The following GMDS variants were observed in gnomAD, a reference collection of about 807,000 sequenced individuals.
The protein encoded by GMDS is GDP-mannose 4,6 dehydratase.
A neutral mutation model predicts 49.9 loss-of-function variants in GMDS; 20 were observed. The ratio of observed to expected loss-of-function variants is 0.40; its 90% CI spans 0.28 to 0.58. The LOEUF (loss-of-function observed/expected upper bound fraction) is 0.58, where lower values mean the gene tolerates loss of function less well. GMDS is among the 20% of genes least tolerant of loss of function. The pLI, the probability that GMDS is intolerant of heterozygous loss-of-function variation, is 0.42. For missense variants in GMDS, 362 were observed against 481.4 expected (o/e 0.75, Z 2.32); for synonymous variants, 177 against 178.6 (o/e 0.99, Z 0.07).
chr6:2,111,204 C>T (rs1774527661), intron 4 of GMDS, among the ~76,000 whole-genome samples: 1 of 152,204 alleles, frequency 6.6e-6, no homozygotes, highest in Admixed American at 6.5e-5. Context: ...CACAAACCAA[C>T]CAACCGCACA....
At chr6:1,681,223 T>C (rs930559493) in intron 9 of GMDS, among the ~76,000 whole-genome samples, 1 of 151,584 alleles carries the variant, frequency 6.6e-6, no homozygotes. Context: ...GGACTGTGTC[T>C]ACACACCTGC....
At chr6:1,842,348 A>C (rs1036027508) in intron 7 of GMDS, among the ~76,000 whole-genome samples, 1 of 152,222 alleles carries the variant, frequency 6.6e-6, no homozygotes, top group Non-Finnish European at 1.5e-5. Flanking sequence ...CAGTAGCCTA[A>C]GGAAAGGCAA....
intron 6 of GMDS, among the ~76,000 whole-genome samples, chr6:1,947,154 G>C (rs1763107500): frequency 6.6e-6 from 1 of 152,124 alleles, no homozygotes; most frequent in Non-Finnish European, 1.5e-5. Flanking sequence ...TGTGCTTGCA[G>C]ATTTATGAAA....
chr6:1,688,477 C>A (rs947091612), intron 9 of GMDS, among the ~76,000 whole-genome samples: 1 of 152,224 alleles, frequency 6.6e-6, no homozygotes, highest in Non-Finnish European at 1.5e-5. Context: ...CCAGTTCCCT[C>A]CACCTTCTAA....
intron 7 of GMDS, among the ~76,000 whole-genome samples, chr6:1,843,665 G>A (rs1191169898): frequency 6.6e-6 from 1 of 152,186 alleles, no homozygotes; most frequent in Non-Finnish European, 1.5e-5. Context: ...TTACCCAGGA[G>A]GCTGAGGCAC....
At chr6:2,099,480 G>T (rs1247592971) in intron 4 of GMDS, among the ~76,000 whole-genome samples, 3 of 151,970 alleles carry the variant, frequency 2.0e-5, no homozygotes, top group Non-Finnish European at 4.4e-5. Context: ...ATTAACACTG[G>T]CACCTAAATT....
chr6:1,721,916 G>A (rs940049260), intron 9 of GMDS, among the ~76,000 whole-genome samples: 14 of 152,168 alleles, frequency 9.2e-5, no homozygotes, highest in African/African-American at 3.4e-4. Flanking sequence ...ATAAAAAAAT[G>A]AGCATCTTAA....
intron 7 of GMDS, among the ~76,000 whole-genome samples, chr6:1,792,038 C>A (rs766105734): frequency 6.6e-6 from 1 of 152,148 alleles, no homozygotes. Flanking sequence ...CTTATTACAG[C>A]ACTACAGAAT....
At chr6:2,060,345 G>T (rs531100998) in intron 4 of GMDS, among the ~76,000 whole-genome samples, 1 of 152,222 alleles carries the variant, frequency 6.6e-6, no homozygotes, top group East Asian at 1.9e-4. Context: ...TACACAACAG[G>T]AAGCACAGCT....
chr6:2,192,651 G>C (rs1215201270), intron 1 of GMDS, among the ~76,000 whole-genome samples: 1 of 152,202 alleles, frequency 6.6e-6, no homozygotes, highest in Non-Finnish European at 1.5e-5. Flanking sequence ...AGTGCACCTG[G>C]TCCAGCCGCA....
At chr6:1,889,507 T>C (rs776112469) in intron 7 of GMDS, among the ~76,000 whole-genome samples, 2 of 152,188 alleles carry the variant, frequency 1.3e-5, no homozygotes, top group Non-Finnish European at 2.9e-5. Context: ...CGGCTTCGAC[T>C]ACTCTTCCAT....
intron 7 of GMDS, among the ~76,000 whole-genome samples, chr6:1,814,667 T>C (rs559768925): frequency 2.0e-5 from 3 of 152,328 alleles, no homozygotes; most frequent in East Asian, 1.9e-4. Context: ...GTAATATATA[T>C]ATTTGACTGA....
At chr6:2,126,608 G>C (rs1032767270) in intron 1 of GMDS, among the ~76,000 whole-genome samples, 1 of 152,114 alleles carries the variant, frequency 6.6e-6, no homozygotes, top group African/African-American at 2.4e-5. Context: ...ACATTCTGTG[G>C]TTCATTAAAA....
chr6:1,631,494 TC>T (rs1397101806), intron 9 of GMDS, among the ~76,000 whole-genome samples: 1 of 151,842 alleles, frequency 6.6e-6, no homozygotes, highest in Admixed American at 6.6e-5. Flanking sequence ...CTTAGAAATG[TC>T]CCCCCCTCCG....
At chr6:2,109,724 G>A (rs1294375508) in intron 4 of GMDS, among the ~76,000 whole-genome samples, 2 of 152,212 alleles carry the variant, frequency 1.3e-5, no homozygotes, top group South Asian at 2.1e-4. Flanking sequence ...TCTGCCCCAT[G>A]GCAGTCGTCT....
chr6:2,120,322 T>A (rs1376968690), intron 2 of GMDS, among the ~76,000 whole-genome samples: 1 of 152,120 alleles, frequency 6.6e-6, no homozygotes, highest in Non-Finnish European at 1.5e-5. Flanking sequence ...AGTTTCAACA[T>A]GAAATCCATA....
chr6:1,823,308 G>A (rs564943827), intron 7 of GMDS, among the ~76,000 whole-genome samples: 15 of 152,210 alleles, frequency 9.9e-5, no homozygotes, highest in African/African-American at 3.6e-4. Context: ...ATAAGATTCC[G>A]TATTATCTCT....
intron 7 of GMDS, among the ~76,000 whole-genome samples, chr6:1,750,541 G>A (rs1189454402): frequency 6.6e-6 from 1 of 152,140 alleles, no homozygotes; most frequent in African/African-American, 2.4e-5. Flanking sequence ...GGGGAACTGT[G>A]GATTCCGGCC....
chr6:2,062,385 G>T lies in GMDS; in HGVS notation c.345+53386C>A, dbSNP rs567774733. Among the ~76,000 whole-genome samples, 8 of 152,310 alleles carry T rather than the reference G, an allele frequency of 5.3e-5. No individual in the cohort carries two copies. The South Asian group carries it at 1.7e-3, about 32-fold the overall frequency. ...TTCAGACTGCATAAGGGATCGTTCT[G>T]CATTGCTGACCTGAAACATCTGTGC... On this transcript the variant is annotated intron_variant, in intron 4 of 10. Coordinates refer to ENST00000380815, the MANE Select transcript of GMDS (RefSeq NM_001500.4).
Sources: allele counts gnomAD v4.1 joint callset (sites outside exome capture counted in the v4.1 genomes callset), GRCh38; gene constraint gnomAD v4.1.1; transcripts MANE v1.5; gene names NCBI Gene and HGNC (gene_info 2026-07-23, HGNC 2026-07-21).